DPP10: variants seen among roughly 807,000 people sequenced by gnomAD.
The protein encoded by DPP10 is inactive dipeptidyl peptidase 10.
DPP10 carries 33 observed loss-of-function variants against 120.9 expected under a neutral mutation model. The ratio of observed to expected loss-of-function variants is 0.27; its 90% confidence interval spans 0.21 to 0.37. The LOEUF (loss-of-function observed/expected upper bound fraction) is 0.37, where lower values mean the gene tolerates loss of function less well. DPP10 is among the 10% of genes least tolerant of loss of function. The pLI is 1.00. For synonymous variants in DPP10, 337 were observed against 326.1 expected, an observed-to-expected ratio of 1.03 and a Z score of -0.36; for missense variants, 816 against 942.8, an observed-to-expected ratio of 0.87 and a Z score of 1.76.
At chr2:114,591,610 A>C (rs1398092156) in intron 1 of DPP10, among the ~76,000 whole-genome samples, 1 of 144,286 alleles carries the variant, frequency 6.9e-6, no homozygotes, top group Non-Finnish European at 1.5e-5. Context: ...GCTGGAGAGC[A>C]GTGGTGCAAT....
chr2:114,980,910 G>C (rs1700043799), intron 1 of DPP10, among the ~76,000 whole-genome samples: 1 of 151,004 alleles, frequency 6.6e-6, no homozygotes. Flanking sequence ...CCATAGTATA[G>C]AAAAATATAG....
At chr2:115,078,089 C>T (rs1169546594) in intron 1 of DPP10, among the ~76,000 whole-genome samples, 2 of 152,216 alleles carry the variant, frequency 1.3e-5, no homozygotes, top group African/African-American at 4.8e-5. Context: ...AGGCCTGAGA[C>T]AATCACACTC....
intron 1 of DPP10, among the ~76,000 whole-genome samples, chr2:115,010,453 G>A (rs987331842): frequency 1.2e-4 from 18 of 152,086 alleles, no homozygotes; most frequent in Non-Finnish European, 2.1e-4. Context: ...ATGTGACAAT[G>A]CCCAGGTGTC....
At chr2:114,993,580 G>GTGTATA (rs71394121) in intron 1 of DPP10, among the ~76,000 whole-genome samples, 46 of 97,352 alleles carry the variant, frequency 4.7e-4, no homozygotes, top group African/African-American at 1.5e-3. Flanking sequence ...GTGTGTGTGT[G>GTGTATA]TATATATATA....
chr2:114,995,748 T>A lies in DPP10; in HGVS notation c.61-313491T>A, dbSNP rs115510235. Among the ~76,000 whole-genome samples the A allele has an allele frequency of 6.9e-3, 1,051 of 152,318 alleles. 7 individuals carry two copies. Among genetic ancestry groups the A allele is most frequent in the African/African-American group, 0.024 (1,008 of 41,570 alleles). Reference sequence around the variant, plus strand: ...CAGTGTTCTTGTTTTACTCGTCTTTTAGTAAACACATTAGGTCTGGACAAA... The same window carrying A: ...CAGTGTTCTTGTTTTACTCGTCTTTAAGTAAACACATTAGGTCTGGACAAA... On this transcript the variant is annotated intron_variant, in intron 1 of 25. Transcript: ENST00000410059.
chr2:115,613,841 A>C (rs975290643), intron 5 of DPP10, among the ~76,000 whole-genome samples: 1 of 152,328 alleles, frequency 6.6e-6, no homozygotes, highest in South Asian at 2.1e-4. Flanking sequence ...AAAAGGTACA[A>C]TAAAGGATCC....
intron 1 of DPP10, among the ~76,000 whole-genome samples, chr2:115,276,478 A>G (rs906817605): frequency 6.6e-6 from 1 of 152,136 alleles, no homozygotes; most frequent in Non-Finnish European, 1.5e-5. Flanking sequence ...AATGTGAGCT[A>G]TTTCGAAAAA....
intron 3 of DPP10, among the ~76,000 whole-genome samples, chr2:115,373,899 G>C (rs2065597369): frequency 6.6e-6 from 1 of 151,444 alleles, no homozygotes; most frequent in African/African-American, 2.4e-5. Flanking sequence ...GAGAGAGAGA[G>C]AGAGAGTGAA....
chr2:115,352,649 A>G (rs2064111878), intron 3 of DPP10, among the ~76,000 whole-genome samples: 1 of 152,164 alleles, frequency 6.6e-6, no homozygotes, highest in Non-Finnish European at 1.5e-5. Flanking sequence ...AGTCCCTTTG[A>G]TCAACGACAT....
chr2:114,521,797 A>T (rs1306770005), intron 1 of DPP10, among the ~76,000 whole-genome samples: 1 of 147,932 alleles, frequency 6.8e-6, no homozygotes, highest in African/African-American at 2.5e-5. Flanking sequence ...AGATACTATT[A>T]TCCAAGGTTT....
chr2:114,513,015 A>T (rs1684275233), intron 1 of DPP10, among the ~76,000 whole-genome samples: 1 of 152,290 alleles, frequency 6.6e-6, no homozygotes, highest in Admixed American at 6.5e-5. Context: ...GGAGAAGAAA[A>T]GGAGGAAGGG....
At chr2:114,960,157 C>T (rs1451018524) in intron 1 of DPP10, among the ~76,000 whole-genome samples, 1 of 152,086 alleles carries the variant, frequency 6.6e-6, no homozygotes, top group Non-Finnish European at 1.5e-5. Context: ...TCATCTCCTA[C>T]CAAACCCATT....
At chr2:115,392,036 C>T (rs981970180) in intron 3 of DPP10, among the ~76,000 whole-genome samples, 4 of 152,142 alleles carry the variant, frequency 2.6e-5, no homozygotes, top group Admixed American at 1.3e-4. Flanking sequence ...AATAAGTTCT[C>T]ATCTTCTCAT....
At chr2:114,578,246 G>A (rs1690219003) in intron 1 of DPP10, among the ~76,000 whole-genome samples, 1 of 152,104 alleles carries the variant, frequency 6.6e-6, no homozygotes, top group South Asian at 2.1e-4. Flanking sequence ...TAATGCACAA[G>A]TATATTTTAT....
At chr2:115,456,245 C>G (rs2073530081) in intron 3 of DPP10, among the ~76,000 whole-genome samples, 1 of 152,200 alleles carries the variant, frequency 6.6e-6, no homozygotes, top group South Asian at 2.1e-4. Flanking sequence ...AAATGCAAAT[C>G]AAAACCACAA....
chr2:115,193,526 CTT>C (rs1254166355), intron 1 of DPP10, among the ~76,000 whole-genome samples: 1 of 152,150 alleles, frequency 6.6e-6, no homozygotes, highest in African/African-American at 2.4e-5. Flanking sequence ...ATAGCTGTTC[CTT>C]TTGGCAAGTG....
At chr2:115,503,283 A>C (rs2076778397) in intron 4 of DPP10, among the ~76,000 whole-genome samples, 1 of 152,164 alleles carries the variant, frequency 6.6e-6, no homozygotes, top group Admixed American at 6.6e-5. Context: ...GCCTAGAGAC[A>C]GCATCAGCTG....
chr2:114,605,348 C>G (rs953756064), intron 1 of DPP10, among the ~76,000 whole-genome samples: 5 of 152,022 alleles, frequency 3.3e-5, no homozygotes, highest in African/African-American at 1.2e-4. Flanking sequence ...AAGAGCAACC[C>G]CTCCTCTTCC....
At chr2:115,164,022 A>G (rs1160050484) in intron 1 of DPP10, among the ~76,000 whole-genome samples, 1 of 152,210 alleles carries the variant, frequency 6.6e-6, no homozygotes, top group African/African-American at 2.4e-5. Context: ...TCAAATATTC[A>G]GGGAGTGGCT....
Sources: gnomAD v4.1 joint callset for allele counts (sites outside exome capture counted in the v4.1 genomes callset) on GRCh38, gnomAD v4.1.1 for gene constraint, MANE v1.5 for transcripts, NCBI Gene and HGNC (gene_info 2026-07-23, HGNC 2026-07-21) for gene names.